HCN1: variants seen among roughly 807,000 people sequenced by gnomAD.
HCN1 encodes the protein hyperpolarization activated cyclic nucleotide gated potassium channel 1.
Under a neutral mutation model 78.9 loss-of-function variants are expected in HCN1, and 13 were observed. That is an observed-to-expected ratio of 0.16 (90% CI 0.11 to 0.26). The LOEUF (loss-of-function observed/expected upper bound fraction) is 0.26, where lower values mean the gene tolerates loss of function less well. Among genes scored for constraint, HCN1 ranks in the 10% least tolerant of loss-of-function variants. The pLI is 1.00. For synonymous variants in HCN1, 552 were observed against 455.5 expected, an observed-to-expected ratio of 1.21 and a Z score of -2.70; for missense variants, 810 against 1,154.3, an observed-to-expected ratio of 0.70 and a Z score of 4.32.
At chr5:45,268,168 G>T (rs1378804396) in intron 6 of HCN1, among the ~76,000 whole-genome samples, 1 of 152,144 alleles carries the variant, frequency 6.6e-6, no homozygotes, top group Admixed American at 6.5e-5. Flanking sequence ...TGTACAGAGG[G>T]ACTCTCTATT....
At chr5:45,400,463 A>T (rs1468352492) in intron 3 of HCN1, among the ~76,000 whole-genome samples, 2 of 147,232 alleles carry the variant, frequency 1.4e-5, no homozygotes, top group Non-Finnish European at 3.0e-5. Flanking sequence ...CAATGGTGCA[A>T]TCTCAACTCA....
At chr5:45,366,375 A>G (rs1036290792) in intron 4 of HCN1, among the ~76,000 whole-genome samples, 3 of 151,862 alleles carry the variant, frequency 2.0e-5, no homozygotes, top group Non-Finnish European at 4.4e-5. Flanking sequence ...CAGCCCCAAC[A>G]AATTTTTTAA....
At chr5:45,625,936 T>C (rs773444491) in intron 2 of HCN1, among the ~76,000 whole-genome samples, 6 of 152,176 alleles carry the variant, frequency 3.9e-5, no homozygotes, top group African/African-American at 4.8e-5. Context: ...AAATTTGGGA[T>C]GATACAGGCA....
chr5:45,570,523 G>A (rs1380119067), intron 2 of HCN1, among the ~76,000 whole-genome samples: 1 of 152,078 alleles, frequency 6.6e-6, no homozygotes, highest in Non-Finnish European at 1.5e-5. Context: ...AAGCTATTTT[G>A]TTGCTTTCCT....
At chr5:45,350,111 T>C (rs529023890) in intron 5 of HCN1, among the ~76,000 whole-genome samples, 1 of 152,280 alleles carries the variant, frequency 6.6e-6, no homozygotes, top group African/African-American at 2.4e-5. Flanking sequence ...TGAACATTGA[T>C]GCAAAAAGCC....
intron 2 of HCN1, among the ~76,000 whole-genome samples, chr5:45,553,403 C>A (rs1441987509): frequency 6.6e-6 from 1 of 151,872 alleles, no homozygotes; most frequent in Non-Finnish European, 1.5e-5. Flanking sequence ...TGCCCCTGGA[C>A]ACACTATAAA....
At chr5:45,374,383 C>T (rs1401024726) in intron 4 of HCN1, among the ~76,000 whole-genome samples, 2 of 144,050 alleles carry the variant, frequency 1.4e-5, no homozygotes, top group East Asian at 3.9e-4. Flanking sequence ...ATATATCCCT[C>T]AGAGACTACC....
chr5:45,469,043 A>T (rs563987239), intron 2 of HCN1, among the ~76,000 whole-genome samples: 4,512 of 152,066 alleles, frequency 0.03, 221 homozygotes, highest in African/African-American at 0.1. Flanking sequence ...ATGTTTTGAT[A>T]GGTGACATTT....
At chr5:45,612,307 T>G (rs1207856673) in intron 2 of HCN1, among the ~76,000 whole-genome samples, 1 of 152,208 alleles carries the variant, frequency 6.6e-6, no homozygotes, top group Admixed American at 6.6e-5. Context: ...TCTGTATCAT[T>G]CATTTATCTT....
Position 45,696,013 on chromosome 5 carries a change from C to T in HCN1, c.81G>A (p.Ala27=). 7.7e-7 allele frequency: 1 copy of T among 1,306,304 alleles called. No homozygotes were observed. The highest frequency in any genetic ancestry group is 9.8e-7 in the Non-Finnish European group (1 of 1,020,612). The allele number at this position is 1,306,304 out of a possible 1,614,324, so 80.9% of individuals were successfully genotyped here. A position where few individuals can be genotyped will look rare whatever the true frequency, so the allele number is the denominator to read the frequency against. Residue 27 remains alanine, a synonymous_variant, in exon 1 of 8, where the codon GCG becomes GCA. Coordinates refer to ENST00000303230, the MANE Select transcript of HCN1 (RefSeq NM_021072.4). ...GNSVFPAKAS[A]TGAGPAAAEK... ...CGGCCGCGGCCGGCCCCGCGCCCGT[C>T]GCGGACGCCTTGGCGGGGAAGACGC...
intron 4 of HCN1, among the ~76,000 whole-genome samples, chr5:45,384,420 C>A (rs1340683529): frequency 6.6e-6 from 1 of 152,038 alleles, no homozygotes; most frequent in African/African-American, 2.4e-5. Context: ...TCATGAAAAT[C>A]AATTTTCTAA....
In HCN1 at chr5:45,600,008, T is replaced by C. The variant is rs180885039; in HGVS notation, c.849+45177A>G. ...AGGCCTGTTCATAACTCAGCACCTA[T>C]TGGTTTCAGCAGGCTAAAGACTAAA... On this transcript the variant is annotated intron_variant, in intron 2 of 7. Transcript: ENST00000303230. Among the ~76,000 whole-genome samples the C allele has an allele frequency of 4.6e-5, 7 of 152,208 alleles. No homozygotes were observed. In the East Asian group the frequency reaches 1.4e-3, roughly 29 times the overall value.
chr5:45,308,818 C>T (rs1007026336), intron 5 of HCN1, among the ~76,000 whole-genome samples: 4 of 152,030 alleles, frequency 2.6e-5, no homozygotes, highest in African/African-American at 7.2e-5. Flanking sequence ...CAGCTTTGTT[C>T]TTTTTTCTTA....
intron 6 of HCN1, among the ~76,000 whole-genome samples, chr5:45,290,152 C>T (rs1316065815): frequency 6.6e-6 from 1 of 151,970 alleles, no homozygotes; most frequent in Non-Finnish European, 1.5e-5. Flanking sequence ...TCTTGCCTGC[C>T]ACCATGTAAG....
At chr5:45,682,930 A>C (rs1210522281) in intron 1 of HCN1, among the ~76,000 whole-genome samples, 1 of 152,082 alleles carries the variant, frequency 6.6e-6, no homozygotes, top group African/African-American at 2.4e-5. Context: ...TTTTTTCTTT[A>C]CAATAACTTA....
intron 1 of HCN1, among the ~76,000 whole-genome samples, chr5:45,664,422 C>A (rs1580032751): frequency 7.6e-6 from 1 of 132,092 alleles, no homozygotes; most frequent in Admixed American, 7.8e-5. Context: ...CTAACCTGCA[C>A]AATGTGCACA....
chr5:45,394,075 G>A (rs1290788907), intron 4 of HCN1, among the ~76,000 whole-genome samples: 2 of 152,164 alleles, frequency 1.3e-5, no homozygotes, highest in African/African-American at 4.8e-5. Context: ...TCTAACACCT[G>A]ACATATGGAA....
In HCN1 at chr5:45,376,990, C is replaced by T. The variant is rs148966386; in HGVS notation, c.1230+19502G>A. ...GTGAGAAAAATAGGGCATATGAAGA[C>T]TTGTTGAGAAAACTTGGAATGCTAT... On this transcript the variant is annotated intron_variant, in intron 4 of 7. Transcript: ENST00000303230. Among the ~76,000 whole-genome samples, 99 of 151,990 alleles carry T rather than the reference C, an allele frequency of 6.5e-4. 1 individual carries two copies. In the East Asian group the frequency reaches 0.011, roughly 17 times the overall value.
chr5:45,300,674 C>A (rs1388489041), intron 6 of HCN1, among the ~76,000 whole-genome samples: 2 of 152,034 alleles, frequency 1.3e-5, no homozygotes, highest in African/African-American at 2.4e-5. Context: ...AAATTATATG[C>A]AGATTTTTGA....
Sources: gnomAD v4.1 joint callset for allele counts (sites outside exome capture counted in the v4.1 genomes callset) on GRCh38, gnomAD v4.1.1 for gene constraint, MANE v1.5 for transcripts, NCBI Gene and HGNC (gene_info 2026-07-23, HGNC 2026-07-21) for gene names.